Variants in ARHGAP44 observed in about 807,000 individuals in gnomAD.
ARHGAP44 encodes the protein rho GTPase-activating protein 44.
A neutral mutation model predicts 106.8 loss-of-function variants in ARHGAP44; 43 were observed. The observed-to-expected ratio is 0.40, with a 90% CI of 0.32 to 0.52. The LOEUF (loss-of-function observed/expected upper bound fraction) is 0.52, where lower values mean the gene tolerates loss of function less well. ARHGAP44 is among the 20% of genes least tolerant of loss of function. The pLI, the probability that ARHGAP44 is intolerant of heterozygous loss-of-function variation, is 0.48. For synonymous variants in ARHGAP44, 439 were observed against 410.3 expected, an observed-to-expected ratio of 1.07 and a Z score of -0.85; for missense variants, 866 against 1,050.5, an observed-to-expected ratio of 0.82 and a Z score of 2.43.
chr17:12,831,146 T>C (rs2035075858), intron 1 of ARHGAP44, among the ~76,000 whole-genome samples: 1 of 152,198 alleles, frequency 6.6e-6, no homozygotes, highest in Non-Finnish European at 1.5e-5. Flanking sequence ...ATACCTTATC[T>C]CATTGAATTC....
chr17:12,889,416 G>A (rs931509815), intron 1 of ARHGAP44, among the ~76,000 whole-genome samples: 1 of 152,158 alleles, frequency 6.6e-6, no homozygotes, highest in Non-Finnish European at 1.5e-5. Flanking sequence ...GAACACATGG[G>A]TGAGAGAGCA....
chr17:12,878,565 CT>C (rs11287600), intron 1 of ARHGAP44, among the ~76,000 whole-genome samples: 16,918 of 152,182 alleles, frequency 0.11, 1,676 homozygotes, highest in African/African-American at 0.26. Context: ...AATAATGATC[CT>C]TGTTTCATTT....
Position 12,920,307 on chromosome 17 carries a change from C to T in ARHGAP44, c.464+476C>T, listed in dbSNP as rs371137926. On this transcript the variant is annotated intron_variant, in intron 6 of 20. Transcript: ENST00000379672. Reference sequence around the variant, plus strand: ...AGGAGAATGGTGTGAACCGGGGAGGCGGAGCTTGCAGTGAGCCGAGATCAT... The same window carrying T: ...AGGAGAATGGTGTGAACCGGGGAGGTGGAGCTTGCAGTGAGCCGAGATCAT... 1.8e-3 allele frequency among the ~76,000 whole-genome samples: 223 copies of T among 125,714 alleles called. 8 individuals are homozygous for T. Among genetic ancestry groups the T allele is most frequent in the African/African-American group, 7.5e-3 (205 of 27,158 alleles). 82.5% of individuals were successfully genotyped at this position (125,714 alleles called of 152,430 possible). A position where few individuals can be genotyped will look rare whatever the true frequency, so the allele number is the denominator to read the frequency against.
At chr17:12,879,438 AG>A (rs2036654091) in intron 1 of ARHGAP44, among the ~76,000 whole-genome samples, 1 of 152,088 alleles carries the variant, frequency 6.6e-6, no homozygotes, top group Non-Finnish European at 1.5e-5. Context: ...TGCATGTGTA[AG>A]TATCTTTTTC....
intron 3 of ARHGAP44, among the ~76,000 whole-genome samples, chr17:12,897,710 C>CTTTTTTTTT (rs71980749): frequency 1.1e-4 from 12 of 108,938 alleles, no homozygotes; most frequent in South Asian, 3.3e-4. Context: ...TGATCTGTGT[C>CTTTTTTTTT]TTTTTTTTTT....
intron 1 of ARHGAP44, among the ~76,000 whole-genome samples, chr17:12,873,424 A>C (rs2150886252): frequency 6.6e-6 from 1 of 152,362 alleles, no homozygotes; most frequent in Non-Finnish European, 1.5e-5. Flanking sequence ...TGTTATATGA[A>C]GAGCTTTAGG....
intron 20 of ARHGAP44, chr17:12,987,165 C>T (rs952210097): frequency 2.7e-5 from 42 of 1,530,550 alleles, no homozygotes; most frequent in Admixed American, 8.0e-5. Context: ...AAGCTGGCCC[C>T]GGCCTCGCCC....
chr17:12,868,240 C>G (rs2036291369), intron 1 of ARHGAP44, among the ~76,000 whole-genome samples: 1 of 152,112 alleles, frequency 6.6e-6, no homozygotes. Context: ...TTGTGTGTGT[C>G]TGTATCCTTG....
intron 1 of ARHGAP44, among the ~76,000 whole-genome samples, chr17:12,804,940 A>G (rs1451314174): frequency 2.0e-5 from 3 of 152,192 alleles, no homozygotes; most frequent in South Asian, 2.1e-4. Context: ...TTCCTCCATC[A>G]TTCTTGAATG....
intron 10 of ARHGAP44, among the ~76,000 whole-genome samples, chr17:12,948,752 C>CACACACACACACACACACACACA (rs1221163562): frequency 0.045 from 6,278 of 140,726 alleles, 382 homozygotes; most frequent in African/African-American, 0.055. Context: ...ACACACACAC[C>CACACACACACACACACACACACA]CCCTGTAGAC....
chr17:12,849,973 A>T (rs910637912), intron 1 of ARHGAP44, among the ~76,000 whole-genome samples: 12 of 152,178 alleles, frequency 7.9e-5, no homozygotes, highest in African/African-American at 2.9e-4. Context: ...AAAATAGCCC[A>T]TAAAAGAGCA....
intron 7 of ARHGAP44, among the ~76,000 whole-genome samples, chr17:12,930,950 T>A (rs117292282): frequency 1.3e-5 from 2 of 152,226 alleles, no homozygotes; most frequent in African/African-American, 4.8e-5. Context: ...ATAACAGTTA[T>A]AAGGATAAGG....
At chr17:12,924,967 A>T (rs2038190389) in intron 6 of ARHGAP44, among the ~76,000 whole-genome samples, 1 of 152,136 alleles carries the variant, frequency 6.6e-6, no homozygotes. Flanking sequence ...TGGAGTGGAA[A>T]CTGTGCAGGC....
intron 20 of ARHGAP44, chr17:12,987,017 A>G (rs1261459962): frequency 1.7e-6 from 2 of 1,195,210 alleles, no homozygotes; most frequent in East Asian, 2.6e-5. Context: ...TGATATTGGC[A>G]TAGCTTTTTT....
At chr17:12,936,662 C>T (rs1314638199) in intron 7 of ARHGAP44, among the ~76,000 whole-genome samples, 3 of 152,220 alleles carry the variant, frequency 2.0e-5, no homozygotes, top group Non-Finnish European at 2.9e-5. Flanking sequence ...CATCCACATG[C>T]GAGCTTTTAT....
intron 1 of ARHGAP44, among the ~76,000 whole-genome samples, chr17:12,796,598 CTTTG>C (rs1322332840): frequency 6.9e-6 from 1 of 143,938 alleles, no homozygotes; most frequent in Non-Finnish European, 1.5e-5. Flanking sequence ...CTGAACTTTT[CTTTG>C]TTTTTTTTTT....
chr17:12,923,185 A>T (rs1308746515), intron 6 of ARHGAP44, among the ~76,000 whole-genome samples: 1 of 152,088 alleles, frequency 6.6e-6, no homozygotes, highest in East Asian at 1.9e-4. Context: ...GAGTTTAGGG[A>T]TAGGGAATTG....
chr17:12,835,819 C>T (rs541665980), intron 1 of ARHGAP44, among the ~76,000 whole-genome samples: 3 of 152,140 alleles, frequency 2.0e-5, no homozygotes, highest in Non-Finnish European at 4.4e-5. Flanking sequence ...CTCCAGGCGC[C>T]AGTAATCACT....
At chr17:12,811,308 T>G (rs572981144) in intron 1 of ARHGAP44, among the ~76,000 whole-genome samples, 1 of 141,766 alleles carries the variant, frequency 7.1e-6, no homozygotes, top group Non-Finnish European at 1.5e-5. Context: ...GTGAGACTCC[T>G]TCTCAAAAAA....
Sources: allele counts gnomAD v4.1 joint callset (sites outside exome capture counted in the v4.1 genomes callset), GRCh38; gene constraint gnomAD v4.1.1; transcripts MANE v1.5; gene names NCBI Gene and HGNC (gene_info 2026-07-23, HGNC 2026-07-21).